Variants in PCDHGB6 observed in about 807,000 individuals in gnomAD.
PCDHGB6 encodes the protein protocadherin gamma subfamily B, 6.
In PCDHGB6, 51 loss-of-function variants were observed where a neutral mutation model predicts 59.1. That is an observed-to-expected ratio of 0.86 (90% CI 0.69 to 1.09). The LOEUF is 1.09. PCDHGB6 is among the 50% of genes least tolerant of loss of function. The probability of loss-of-function intolerance (pLI) is 0.00; values close to 1 mark genes in which losing one functional copy is unlikely to be tolerated. For missense variants in PCDHGB6, 1,148 were observed against 1,205.1 expected (o/e 0.95, Z 0.70); for synonymous variants, 466 against 495.1 (o/e 0.94, Z 0.78).
rs370127569 is a variant in PCDHGB6 at position 141,422,859 on chromosome 5, C to T, written c.2418+12239C>T. 1.4e-5 allele frequency: 22 copies of T among 1,614,148 alleles called. No homozygotes were observed. In the African/African-American group the frequency reaches 2.5e-4, roughly 19 times the overall value. ...GTGACAGCGGGGACCCGCCCCTCAG[C>T]AGCAACGTGTCGCTGAGCCTGTTCG... On this transcript the variant is annotated intron_variant, in intron 1 of 3. Transcript: ENST00000520790.
chr5:141,489,381 T>A lies in PCDHGB6; in HGVS notation c.2419-5426T>A. 1 of 1,613,894 alleles carries A rather than the reference T, an allele frequency of 6.2e-7. No homozygotes were observed. The highest frequency in any genetic ancestry group is 8.5e-7 in the Non-Finnish European group (1 of 1,179,802). ...CTGAGCCGGGGACGCTGGTGGGGAATGTTGCTCAGGATCTGGGCTTAAAGA... is the reference window on the plus strand; with the variant it reads ...CTGAGCCGGGGACGCTGGTGGGGAAAGTTGCTCAGGATCTGGGCTTAAAGA... On this transcript the variant is annotated intron_variant, in intron 1 of 3. Transcript: ENST00000520790. The surrounding 1 kb of genome is among the most constrained non-coding windows in gnomAD (Gnocchi z 4.5).
In PCDHGB6 at chr5:141,431,468, G is replaced by C. The variant is rs756718016; in HGVS notation, c.2418+20848G>C. 4 of 1,613,804 alleles carry C rather than the reference G, an allele frequency of 2.5e-6. No homozygotes were observed. Among genetic ancestry groups the C allele is most frequent in the Non-Finnish European group, 3.4e-6 (4 of 1,179,964 alleles). On this transcript the variant is annotated intron_variant, in intron 1 of 3. Coordinates refer to ENST00000520790, the MANE Select transcript of PCDHGB6 (RefSeq NM_018926.3). The surrounding 1 kb of genome is among the most constrained non-coding windows in gnomAD (Gnocchi z 4.8). Reference sequence around the variant, plus strand: ...CCGCGTGATGGTTCTGGATGCGAACGACAACGCACCAGCGTTTGCTCAGCC... The same window carrying C: ...CCGCGTGATGGTTCTGGATGCGAACCACAACGCACCAGCGTTTGCTCAGCC...
At chr5:141,472,980 C>CAA (rs60579131) in intron 1 of PCDHGB6, among the ~76,000 whole-genome samples, 188 of 86,094 alleles carry the variant, frequency 2.2e-3, no homozygotes, top group Non-Finnish European at 3.2e-3. Flanking sequence ...GAGTGAAACT[C>CAA]AAAAAAAAAA....
chr5:141,433,914 C>A (rs2097664630), intron 1 of PCDHGB6, among the ~76,000 whole-genome samples: 1 of 151,702 alleles, frequency 6.6e-6, no homozygotes, highest in Admixed American at 6.6e-5. Context: ...TTACAATCAC[C>A]TCCAAATGAA....
chr5:141,477,566 C>T lies in PCDHGB6; in HGVS notation c.2419-17241C>T, dbSNP rs749100730. On this transcript the variant is annotated intron_variant, in intron 1 of 3. Coordinates refer to ENST00000520790, the MANE Select transcript of PCDHGB6 (RefSeq NM_018926.3). The surrounding 1 kb of genome is among the most constrained non-coding windows in gnomAD (Gnocchi z 4.9). ...AATACTAAACCTAAGTGTCTGGGAC[C>T]CCGACGCCCCGCAGAATGCTCGGCT... The T allele has an allele frequency of 1.9e-6, 3 of 1,613,988 alleles. No homozygotes were observed. The highest frequency in any genetic ancestry group is 8.5e-7 in the Non-Finnish European group (1 of 1,180,032).
rs765887978 is a variant in PCDHGB6 at position 141,486,476 on chromosome 5, C to T, written c.2419-8331C>T. The T allele has an allele frequency of 8.7e-6, 14 of 1,613,934 alleles. No homozygotes were observed. The highest frequency in any genetic ancestry group is 1.7e-5 in the Admixed American group (1 of 60,016). ...TGCTTCTGATGCTGGGAACCCTCCT[C>T]TCAGTACCCACAGAACTATTTTCCT... On this transcript the variant is annotated intron_variant, in intron 1 of 3. Transcript: ENST00000520790. This position sits in a 1 kb window ranked among gnomAD's most constrained non-coding sequence, Gnocchi z 5.0.
At chr5:141,420,230 A>G (rs758649822) in intron 1 of PCDHGB6, 3 of 1,601,528 alleles carry the variant, frequency 1.9e-6, no homozygotes, top group Admixed American at 1.7e-5. Flanking sequence ...ACTGGCTAGC[A>G]TTTTAACTCC....
At chr5:141,421,797 C>T in intron 1 of PCDHGB6, 1 of 1,613,744 alleles carries the variant, frequency 6.2e-7, no homozygotes, top group Non-Finnish European at 8.5e-7. Context: ...CGGATGGGGC[C>T]AAGAATCCAG....
At chr5:141,500,184 T>TTATA (rs530565701) in intron 2 of PCDHGB6, among the ~76,000 whole-genome samples, 2 of 135,886 alleles carry the variant, frequency 1.5e-5, no homozygotes, top group Non-Finnish European at 3.2e-5. Flanking sequence ...TCATTTTTAT[T>TTATA]TTTATTTATT....
In PCDHGB6 at chr5:141,505,466, T is replaced by C. The variant is rs763151131; in HGVS notation, c.2551T>C (p.Leu851=). 1 of 1,614,200 alleles carries C rather than the reference T, an allele frequency of 6.2e-7. No individual in the cohort carries two copies. The highest frequency in any genetic ancestry group is 1.3e-5 in the African/African-American group (1 of 75,068). The part of the protein sequence containing the change: ...FDTEMLQAMI[L]ASASEAADGS... Reference sequence around the variant, plus strand: ...CACAGAGATGCTGCAAGCCATGATCTTGGCGTCCGCCAGTGGTAAGTGGTG... The same window carrying C: ...CACAGAGATGCTGCAAGCCATGATCCTGGCGTCCGCCAGTGGTAAGTGGTG... The change falls in exon 3 of 4, where the codon TTG becomes CTG. Residue 851 remains leucine, a synonymous_variant. Transcript: ENST00000520790.
chr5:141,499,104 C>A (rs2099789508), intron 2 of PCDHGB6, among the ~76,000 whole-genome samples: 1 of 152,120 alleles, frequency 6.6e-6, no homozygotes, highest in African/African-American at 2.4e-5. Flanking sequence ...CTTCTCCTCC[C>A]CACCACTATC....
chr5:141,419,138 A>C, intron 1 of PCDHGB6: 1 of 1,613,920 alleles, frequency 6.2e-7, no homozygotes, highest in Non-Finnish European at 8.5e-7. Context: ...AGCCACAGAC[A>C]GGGGCAAGCC....
chr5:141,435,807 T>A (rs2097781241), intron 1 of PCDHGB6, among the ~76,000 whole-genome samples: 1 of 152,040 alleles, frequency 6.6e-6, no homozygotes, highest in South Asian at 2.1e-4. Context: ...CCCAATTATT[T>A]TTTCTTTCTT....
rs749044339 is a variant in PCDHGB6, at chr5:141,477,410, G to A, written c.2419-17397G>A. On this transcript the variant is annotated intron_variant, in intron 1 of 3. Coordinates refer to ENST00000520790, the MANE Select transcript of PCDHGB6 (RefSeq NM_018926.3). This position sits in a 1 kb window ranked among gnomAD's most constrained non-coding sequence, Gnocchi z 4.9. ...CAACCTCAGCATCACCGCCCGAGAC[G>A]CCGGAACCCCTTCCCTCTCAGCCCT... 66 of 1,613,988 alleles carry A rather than the reference G, an allele frequency of 4.1e-5. 1 individual carries two copies. The South Asian group carries it at 7.0e-4, about 17-fold the overall frequency.
chr5:141,472,623 TAA>T (rs2099291037), intron 1 of PCDHGB6, among the ~76,000 whole-genome samples: 1 of 152,018 alleles, frequency 6.6e-6, no homozygotes, highest in Non-Finnish European at 1.5e-5. Context: ...AGAAAAAAGA[TAA>T]AGACTGGGAA....
chr5:141,461,864 C>T (rs911351082), intron 1 of PCDHGB6, among the ~76,000 whole-genome samples: 5 of 151,900 alleles, frequency 3.3e-5, no homozygotes, highest in African/African-American at 9.7e-5. Context: ...GCTCTTGTTG[C>T]CCAGGCTGGA....
chr5:141,511,007 G>A lies in PCDHGB6; in HGVS notation c.2627G>A (p.Arg876His), dbSNP rs780918754. The change falls in exon 4 of 4, where the codon CGC becomes CAC. Residue 876 changes from arginine to histidine, a missense_variant. Physicochemically the swap from Arg to His is conservative, Grantham distance 29 (BLOSUM62 0). Transcript: ENST00000520790. ...GCCGGCACCATGGGATTGAGCGCCC[G>A]CTACGGACCCCAGTTCACCCTGCAG... is the stretch of plus-strand genomic sequence containing the variant. ...GGAGTMGLSA[R>H]YGPQFTLQHV... 1.9e-6 allele frequency: 3 copies of A among 1,614,158 alleles called. No individual in the cohort carries two copies. Among genetic ancestry groups the A allele is most frequent in the East Asian group, 4.5e-5 (2 of 44,890 alleles).
Position 141,410,147 on chromosome 5 carries a change from G to T in PCDHGB6, c.1945G>T (p.Gly649Cys). 1 of 1,612,952 alleles carries T rather than the reference G, an allele frequency of 6.2e-7. No individual in the cohort carries two copies. The highest frequency in any genetic ancestry group is 8.5e-7 in the Non-Finnish European group (1 of 1,179,670). ...GCGCCTGCTGGTCGCTGTGCGTGAC[G>T]GTGGACAGCCGCCACTCTCTGCCAC... ...RQRLLVAVRD[G>C]GQPPLSATAT... The change falls in exon 1 of 4, where the codon GGT becomes TGT. Residue 649 changes from glycine to cysteine, a missense_variant. Around this residue, in one of 5 missense-constraint regions of PCDHGB6, gnomAD observed 549 missense variants for 527.5 expected, o/e 1.04. Transcript: ENST00000520790.
At chr5:141,424,928 T>C (rs2096848391) in intron 1 of PCDHGB6, among the ~76,000 whole-genome samples, 1 of 152,204 alleles carries the variant, frequency 6.6e-6, no homozygotes, top group South Asian at 2.1e-4. Flanking sequence ...ATCAATTCAG[T>C]CAACACTCTC....
Sources: allele counts gnomAD v4.1 joint callset (sites outside exome capture counted in the v4.1 genomes callset), GRCh38; gene constraint gnomAD v4.1.1; regional missense constraint gnomAD v4.1.1; non-coding constraint Gnocchi (gnomAD v3.1); transcripts MANE v1.5; gene names NCBI Gene and HGNC (gene_info 2026-07-23, HGNC 2026-07-21).